Variants in USP30 observed in about 807,000 individuals in gnomAD.
USP30 encodes the protein ubiquitin specific peptidase 30.
A neutral mutation model predicts 68.2 loss-of-function variants in USP30; 41 were observed. The observed-to-expected ratio is 0.60, with a 90% CI of 0.47 to 0.78. The LOEUF (loss-of-function observed/expected upper bound fraction) is 0.78, where lower values mean the gene tolerates loss of function less well. Among genes scored for constraint, USP30 ranks in the 30% least tolerant of loss-of-function variants. The pLI, the probability that USP30 is intolerant of heterozygous loss-of-function variation, is 0.00. For missense variants in USP30, 522 were observed against 649.4 expected (o/e 0.80, Z 2.13); for synonymous variants, 229 against 253.7 (o/e 0.90, Z 0.93).
intron 7 of USP30, among the ~76,000 whole-genome samples, chr12:109,080,290 G>A (rs759762435): frequency 1.3e-5 from 2 of 151,936 alleles, no homozygotes; most frequent in Non-Finnish European, 2.9e-5. Flanking sequence ...GCTGCTTTTC[G>A]CCACCCAGCA....
At chr12:109,057,384 T>G (rs983774179) in intron 2 of USP30, among the ~76,000 whole-genome samples, 2 of 152,094 alleles carry the variant, frequency 1.3e-5, no homozygotes, top group African/African-American at 4.8e-5. Flanking sequence ...TAATAAAAAG[T>G]TTTTTTAAAA....
At position 109,078,924 on chromosome 12, in the gene USP30, C is replaced by T. The variant is rs191087554; in HGVS notation, c.721-2410C>T. ...CACTTTAAGGACATTGTTCTATTGT[C>T]TTCTGGCCTCCATTTTCTCAGTTAG... is the stretch of plus-strand genomic sequence containing the variant. On this transcript the variant is annotated intron_variant, in intron 7 of 12. Transcript: ENST00000257548. Among the ~76,000 whole-genome samples, 22 of 152,224 alleles carry T rather than the reference C, an allele frequency of 1.4e-4. No homozygotes were observed. In the East Asian group the frequency reaches 3.9e-3, roughly 27 times the overall value.
intron 1 of USP30, among the ~76,000 whole-genome samples, chr12:109,055,396 ATATATT>A (rs1381718761): frequency 0.013 from 524 of 40,520 alleles, 8 homozygotes; most frequent in African/African-American, 0.04. Context: ...ATATATATAT[ATATATT>A]TTTTTTTTTT....
chr12:109,053,483 C>T (rs1292300562), intron 1 of USP30, among the ~76,000 whole-genome samples: 1 of 152,064 alleles, frequency 6.6e-6, no homozygotes. Flanking sequence ...TCTTATTCAC[C>T]CTCCCAAGGG....
In USP30 at chr12:109,057,811, C is replaced by G. The variant is rs1332656836; in HGVS notation, c.194-115C>G. Reference sequence around the variant, plus strand: ...CCAGATCTCTGTGGATAAGGATCTTCTTGGATCGGGATTCCAAATTTAAGG... The same window carrying G: ...CCAGATCTCTGTGGATAAGGATCTTGTTGGATCGGGATTCCAAATTTAAGG... On this transcript the variant is annotated intron_variant, in intron 2 of 12. Coordinates refer to ENST00000257548, the MANE Select transcript of USP30 (RefSeq NM_032663.5). 1.8e-5 allele frequency: 21 copies of G among 1,182,678 alleles called. 1 individual carries two copies. Among genetic ancestry groups the G allele is most frequent in the Non-Finnish European group, 2.5e-5 (21 of 829,872 alleles). 73.3% of individuals were successfully genotyped at this position (1,182,678 alleles called of 1,614,324 possible).
intron 1 of USP30, among the ~76,000 whole-genome samples, chr12:109,023,502 C>T (rs1490080104): frequency 6.6e-6 from 1 of 152,036 alleles, no homozygotes; most frequent in Non-Finnish European, 1.5e-5. Context: ...TTGCAATGAG[C>T]TGAGATCGCG....
intron 7 of USP30, among the ~76,000 whole-genome samples, chr12:109,077,047 T>G (rs1013991031): frequency 6.6e-6 from 1 of 152,174 alleles, no homozygotes; most frequent in African/African-American, 2.4e-5. Context: ...TTGATTTTTC[T>G]AATGTTAAAC....
chr12:109,058,900 A>G (rs985476030), intron 3 of USP30, among the ~76,000 whole-genome samples: 2 of 152,362 alleles, frequency 1.3e-5, no homozygotes, highest in East Asian at 1.9e-4. Flanking sequence ...CTGTTGGACA[A>G]TACATCCATA....
At chr12:109,061,630 G>A (rs939690430) in intron 3 of USP30, among the ~76,000 whole-genome samples, 10 of 151,882 alleles carry the variant, frequency 6.6e-5, no homozygotes, top group South Asian at 2.1e-4. Flanking sequence ...GGCTGGTCTC[G>A]AACTCCTAAG....
chr12:109,085,017 A>G lies in USP30; in HGVS notation c.1233A>G (p.Leu411=), dbSNP rs949909187. 6.2e-7 allele frequency: 1 copy of G among 1,606,378 alleles called. No individual in the cohort carries two copies. Among genetic ancestry groups the G allele is most frequent in the Non-Finnish European group, 8.5e-7 (1 of 1,175,592 alleles). The change falls in exon 12 of 13, where the codon TTA becomes TTG. Residue 411 remains leucine, a synonymous_variant. Coordinates refer to ENST00000257548, the MANE Select transcript of USP30 (RefSeq NM_032663.5). ...TGAATGGCGCCTGCTCCCCATCTTTATTGCCAACGCTGTCAGCGCCGATGC... is the reference window on the plus strand; with the variant it reads ...TGAATGGCGCCTGCTCCCCATCTTTGTTGCCAACGCTGTCAGCGCCGATGC... The part of the protein sequence containing the change: ...IFMNGACSPS[L]LPTLSAPMPF...
chr12:109,042,236 C>T (rs193197512), intron 3 of USP30, among the ~76,000 whole-genome samples: 5 of 150,358 alleles, frequency 3.3e-5, no homozygotes, highest in East Asian at 3.9e-4. Context: ...AATTTTGATG[C>T]TGTGTTTCCA....
chr12:109,074,783 A>G (rs2041545537), intron 7 of USP30, among the ~76,000 whole-genome samples: 1 of 152,222 alleles, frequency 6.6e-6, no homozygotes. Context: ...AGAATACAAT[A>G]CAGTATTATT....
At chr12:109,059,675 G>A (rs960254006) in intron 3 of USP30, among the ~76,000 whole-genome samples, 1 of 151,836 alleles carries the variant, frequency 6.6e-6, no homozygotes, top group Non-Finnish European at 1.5e-5. Flanking sequence ...CACCACGCCC[G>A]GCTAATGTTT....
At chr12:109,072,257 G>A (rs761764202) in intron 5 of USP30, 48 bp from the exon 6 acceptor site, 1 of 1,564,346 alleles carries the variant, frequency 6.4e-7, no homozygotes, top group South Asian at 1.1e-5. Flanking sequence ...GTGGTGAAAG[G>A]GATTATAGTA....
At position 109,086,678 on chromosome 12, in the gene USP30, A is replaced by G. The variant is rs942988890; in HGVS notation, c.*747A>G. 6.6e-6 allele frequency: 1 copy of G among 152,402 alleles called. No individual in the cohort carries two copies. Among genetic ancestry groups the G allele is most frequent in the South Asian group, 2.1e-4 (1 of 4,834 alleles). 9.4% of individuals were successfully genotyped at this position (152,402 alleles called of 1,614,324 possible). ...CACTGTATTATAAAACTCTGTGAAT[A>G]GCCAGAACTGAGCTGGATCTTTGCA... On this transcript the variant is annotated 3_prime_UTR_variant, in exon 13 of 13. Coordinates refer to ENST00000257548, the MANE Select transcript of USP30 (RefSeq NM_032663.5).
intron 7 of USP30, among the ~76,000 whole-genome samples, chr12:109,075,594 C>G (rs1007871812): frequency 6.6e-6 from 1 of 152,186 alleles, no homozygotes; most frequent in African/African-American, 2.4e-5. Flanking sequence ...TCAAGTGATC[C>G]GCCTGTCTCG....
At chr12:109,053,344 G>C (rs779656402) in intron 1 of USP30, among the ~76,000 whole-genome samples, 1 of 152,066 alleles carries the variant, frequency 6.6e-6, no homozygotes, top group Admixed American at 6.6e-5. Flanking sequence ...CCCTTGTTTT[G>C]CAAGGGTCTC....
At chr12:109,048,116 T>C (rs2040622412), upstream of USP30, among the ~76,000 whole-genome samples, 1 of 150,900 alleles carries the variant, frequency 6.6e-6, no homozygotes, top group Non-Finnish European at 1.5e-5. Context: ...TCTTGCTCTG[T>C]TGGCCAGGCT....
chr12:109,054,014 T>A (rs1473398528), intron 1 of USP30: 2 of 455,902 alleles, frequency 4.4e-6, no homozygotes, highest in African/African-American at 4.0e-5. Flanking sequence ...TAGTAGAACC[T>A]GCATCTGTGG....
Sources: allele counts gnomAD v4.1 joint callset (sites outside exome capture counted in the v4.1 genomes callset), GRCh38; gene constraint gnomAD v4.1.1; transcripts MANE v1.5; gene names NCBI Gene and HGNC (gene_info 2026-07-23, HGNC 2026-07-21).